Variants in DCLK1 observed in about 807,000 individuals in gnomAD.
DCLK1 encodes the protein serine/threonine-protein kinase DCLK1.
DCLK1 carries 16 observed loss-of-function variants against 86.2 expected under a neutral mutation model. That is an observed-to-expected ratio of 0.19 (90% CI 0.13 to 0.28). The LOEUF is 0.28. Among genes scored for constraint, DCLK1 ranks in the 10% least tolerant of loss-of-function variants. The probability of loss-of-function intolerance (pLI) is 1.00; values close to 1 mark genes in which losing one functional copy is unlikely to be tolerated. For synonymous variants in DCLK1, 369 were observed against 370.5 expected, an observed-to-expected ratio of 1.00 and a Z score of 0.05; for missense variants, 590 against 940.2, an observed-to-expected ratio of 0.63 and a Z score of 4.87.
intron 4 of DCLK1, among the ~76,000 whole-genome samples, chr13:35,933,408 C>T (rs934707694): frequency 6.6e-6 from 1 of 152,222 alleles, no homozygotes; most frequent in Non-Finnish European, 1.5e-5. Context: ...GGGCTCTGAC[C>T]CCACATTTCC....
intron 3 of DCLK1, among the ~76,000 whole-genome samples, chr13:36,019,705 T>G (rs1881689240): frequency 6.6e-6 from 1 of 152,220 alleles, no homozygotes; most frequent in Admixed American, 6.5e-5. Flanking sequence ...TTCATATGCT[T>G]CTTATTCAAT....
chr13:35,796,478 A>T (rs1280234552), intron 15 of DCLK1, among the ~76,000 whole-genome samples: 1 of 152,170 alleles, frequency 6.6e-6, no homozygotes, highest in Non-Finnish European at 1.5e-5. Flanking sequence ...CAAAGATGAA[A>T]CAAAGAGGGA....
chr13:36,094,700 G>A (rs1884944026), intron 3 of DCLK1, among the ~76,000 whole-genome samples: 2 of 152,212 alleles, frequency 1.3e-5, no homozygotes, highest in Non-Finnish European at 2.9e-5. Context: ...CAGCCGGGAA[G>A]CACTTTACAT....
At chr13:36,105,986 G>C (rs574703728) in intron 3 of DCLK1, among the ~76,000 whole-genome samples, 1 of 152,352 alleles carries the variant, frequency 6.6e-6, no homozygotes, top group East Asian at 1.9e-4. Context: ...CAGTAGACTT[G>C]TAAACGTCCC....
At chr13:35,867,908 A>AG (rs1491556157) in intron 5 of DCLK1, among the ~76,000 whole-genome samples, 51 of 94,546 alleles carry the variant, frequency 5.4e-4, no homozygotes, top group Middle Eastern at 4.6e-3. Flanking sequence ...AGAAAGAAAG[A>AG]AAAAGAAAGA....
intron 15 of DCLK1, among the ~76,000 whole-genome samples, chr13:35,800,816 G>A (rs922800765): frequency 3.7e-5 from 4 of 108,614 alleles, no homozygotes; most frequent in East Asian, 2.6e-4. Flanking sequence ...CCCCAGGTTC[G>A]AGCCATCCTC....
At chr13:36,114,393 A>G (rs1258000666) in intron 2 of DCLK1, among the ~76,000 whole-genome samples, 1 of 152,174 alleles carries the variant, frequency 6.6e-6, no homozygotes, top group Non-Finnish European at 1.5e-5. Flanking sequence ...TGGAATGAGA[A>G]TCTTAGAGAA....
intron 3 of DCLK1, among the ~76,000 whole-genome samples, chr13:35,971,755 C>T (rs1481802120): frequency 6.8e-6 from 1 of 147,830 alleles, no homozygotes; most frequent in Non-Finnish European, 1.5e-5. Flanking sequence ...AAGAGTGAAA[C>T]TCCATCTCAA....
At position 35,922,952 on chromosome 13, in the gene DCLK1, G is replaced by A. The variant is rs148147196; in HGVS notation, c.823+24406C>T. 9.7e-4 allele frequency among the ~76,000 whole-genome samples: 148 copies of A among 152,248 alleles called. 1 individual carries two copies. The highest frequency in any genetic ancestry group is 3.2e-3 in the African/African-American group (134 of 41,532). On this transcript the variant is annotated intron_variant, in intron 4 of 16. Transcript: ENST00000360631. ...TTTAGATCTGAAGAAGCAGAGGCCCGGAGAGCTGCCTCATGGGAACGATGC... is the reference window on the plus strand; with the variant it reads ...TTTAGATCTGAAGAAGCAGAGGCCCAGAGAGCTGCCTCATGGGAACGATGC...
chr13:35,818,187 G>A (rs567081241), intron 11 of DCLK1, among the ~76,000 whole-genome samples: 1 of 152,202 alleles, frequency 6.6e-6, no homozygotes, highest in East Asian at 1.9e-4. Flanking sequence ...ATGACCTCTA[G>A]ACCCATTCTC....
At chr13:35,845,595 A>G (rs967138067) in intron 6 of DCLK1, among the ~76,000 whole-genome samples, 1 of 152,204 alleles carries the variant, frequency 6.6e-6, no homozygotes, top group Non-Finnish European at 1.5e-5. Context: ...TGAGTTATCG[A>G]TATGTCTGAC....
chr13:36,118,602 A>C (rs888859475), intron 2 of DCLK1, among the ~76,000 whole-genome samples: 2 of 152,090 alleles, frequency 1.3e-5, no homozygotes, highest in African/African-American at 4.8e-5. Context: ...AGCAAGCAGA[A>C]ATAGGAATGG....
intron 3 of DCLK1, among the ~76,000 whole-genome samples, chr13:35,985,468 A>G (rs908620892): frequency 6.6e-6 from 1 of 152,246 alleles, no homozygotes; most frequent in African/African-American, 2.4e-5. Context: ...AATGCAATTA[A>G]TAAGAGGCTA....
At chr13:35,798,456 C>T (rs181547273) in intron 15 of DCLK1, among the ~76,000 whole-genome samples, 27 of 152,294 alleles carry the variant, frequency 1.8e-4, no homozygotes, top group African/African-American at 6.0e-4. Flanking sequence ...AATATTCCCA[C>T]GTAGTTTAAA....
chr13:35,886,447 T>C (rs1488715078), intron 4 of DCLK1, among the ~76,000 whole-genome samples: 6 of 152,160 alleles, frequency 3.9e-5, no homozygotes, highest in African/African-American at 7.2e-5. Flanking sequence ...TCTTGGGAGA[T>C]TGCAGAAATA....
intron 3 of DCLK1, among the ~76,000 whole-genome samples, chr13:36,093,497 A>G (rs1048774603): frequency 2.0e-5 from 3 of 152,214 alleles, no homozygotes; most frequent in African/African-American, 7.2e-5. Context: ...TGATTAAAGT[A>G]CCATATATTA....
intron 3 of DCLK1, among the ~76,000 whole-genome samples, chr13:35,955,651 T>C (rs1184984005): frequency 6.6e-6 from 1 of 152,184 alleles, no homozygotes; most frequent in Non-Finnish European, 1.5e-5. Context: ...GGCCACCTAA[T>C]AGATGTGTGA....
chr13:36,126,434 G>GT (rs1257750916), intron 1 of DCLK1, among the ~76,000 whole-genome samples: 1 of 151,980 alleles, frequency 6.6e-6, no homozygotes, highest in Non-Finnish European at 1.5e-5. Context: ...TCATTTGCTT[G>GT]TTTTTAGTAG....
At chr13:36,037,408 A>G (rs2153154446) in intron 3 of DCLK1, among the ~76,000 whole-genome samples, 1 of 152,296 alleles carries the variant, frequency 6.6e-6, no homozygotes, top group Non-Finnish European at 1.5e-5. Context: ...TGTTCCTAGC[A>G]TAAAGAAAAG....
Sources: allele counts gnomAD v4.1 joint callset (sites outside exome capture counted in the v4.1 genomes callset), GRCh38; gene constraint gnomAD v4.1.1; transcripts MANE v1.5; gene names NCBI Gene and HGNC (gene_info 2026-07-23, HGNC 2026-07-21).